Variants in EML1 observed in about 807,000 individuals in gnomAD.
EML1 encodes echinoderm microtubule-associated protein-like 1.
Under a neutral mutation model 110.4 loss-of-function variants are expected in EML1, and 27 were observed. That is an observed-to-expected ratio of 0.24 (90% CI 0.18 to 0.34). The LOEUF is 0.34. Among genes scored for constraint, EML1 ranks in the 10% least tolerant of loss-of-function variants. The pLI, the probability that EML1 is intolerant of heterozygous loss-of-function variation, is 1.00. For synonymous variants in EML1, 344 were observed against 385.8 expected (o/e 0.89, Z 1.27); for missense variants, 741 against 1,030.9 (o/e 0.72, Z 3.85).
chr14:99,837,576 AACCTTAAACCGTTGTAGCTCC>A (rs1484263494), intron 1 of EML1, among the ~76,000 whole-genome samples: 3 of 152,190 alleles, frequency 2.0e-5, no homozygotes, highest in Admixed American at 2.0e-4. Flanking sequence ...TTTAGATTCT[AACCTTAAACCGTTGTAGCTCC>A]ACCTTTTGAT....
intron 1 of EML1, among the ~76,000 whole-genome samples, chr14:99,783,485 CTTTT>C (rs59785136): frequency 6.0e-5 from 7 of 117,226 alleles, no homozygotes; most frequent in African/African-American, 9.4e-5. Context: ...TAAAGGGGTA[CTTTT>C]TTTTTTTTTT....
At position 99,922,743 on chromosome 14, in the gene EML1, T is replaced by C. The variant is rs549879541; in HGVS notation, c.1909+1866T>C. Among the ~76,000 whole-genome samples the C allele has an allele frequency of 4.3e-4, 65 of 152,340 alleles. 1 individual carries two copies. The highest frequency in any genetic ancestry group is 1.1e-3 in the African/African-American group (45 of 41,570). ...TTGGTGTTTCCCTAATGACTATTGA[T>C]ATTGAGCATTTTTTAATGTGCATAT... On this transcript the variant is annotated intron_variant, in intron 17 of 21. Transcript: ENST00000262233.
Position 99,743,583 on chromosome 14 carries a change from C to CCA in EML1, c.28+5724_28+5725dup, listed in dbSNP as rs1445843674. On this transcript the variant is annotated intron_variant, in intron 1 of 10. Transcript: ENST00000554479. ...CGCTTATCTGTTATCCATCCACAGG[C>CCA]CAGCACGTGGCTCTGCACATGCATC... Among the ~76,000 whole-genome samples the CCA allele has an allele frequency of 2.0e-5, 3 of 152,188 alleles. No homozygotes were observed. In the East Asian group the frequency reaches 5.8e-4, roughly 29 times the overall value.
intron 1 of EML1, chr14:99,838,910 C>CGT (rs746866053): frequency 2.0e-5 from 1 of 49,236 alleles, no homozygotes; most frequent in South Asian, 7.8e-4. Flanking sequence ...GGGGAGTGCG[C>CGT]GCGCGCGCGT....
chr14:99,760,470 C>G (rs1330006004), intron 1 of EML1, among the ~76,000 whole-genome samples: 2 of 152,168 alleles, frequency 1.3e-5, no homozygotes, highest in East Asian at 3.9e-4. Flanking sequence ...CGGCATGGAA[C>G]CATTCTCTGA....
intron 1 of EML1, among the ~76,000 whole-genome samples, chr14:99,765,839 A>G (rs1485851870): frequency 6.6e-6 from 1 of 152,052 alleles, no homozygotes; most frequent in Non-Finnish European, 1.5e-5. Context: ...CCCCTGCCTC[A>G]AGTATCTGCT....
At chr14:99,791,768 C>A (rs1048905409), upstream of EML1, among the ~76,000 whole-genome samples, 1 of 152,186 alleles carries the variant, frequency 6.6e-6, no homozygotes, top group African/African-American at 2.4e-5. Context: ...GGCCTGCCTG[C>A]GTGAACCCTC....
In EML1 at chr14:99,936,178, C is replaced by T; in HGVS notation, c.2007+52C>T. ...TTCTCATGCACTGCGTATAGTTTAACTACCGTGGAACAGTGTTGGCAGGGA... is the reference window on the plus strand; with the variant it reads ...TTCTCATGCACTGCGTATAGTTTAATTACCGTGGAACAGTGTTGGCAGGGA... On this transcript the variant is annotated intron_variant, in intron 18 of 21. Coordinates refer to ENST00000262233, the MANE Select transcript of EML1 (RefSeq NM_004434.3). The surrounding 1 kb of genome is among the most constrained non-coding windows in gnomAD (Gnocchi z 5.5). 3.1e-6 allele frequency: 5 copies of T among 1,612,524 alleles called. No individual in the cohort carries two copies. Among genetic ancestry groups the T allele is most frequent in the Non-Finnish European group, 4.2e-6 (5 of 1,178,576 alleles).
intron 3 of EML1, among the ~76,000 whole-genome samples, chr14:99,877,677 G>A (rs183341298): frequency 3.3e-5 from 5 of 152,136 alleles, no homozygotes; most frequent in African/African-American, 4.8e-5. Context: ...CGTTTCTGTC[G>A]TTACTCGTGA....
At chr14:99,824,696 G>A (rs906049991) in intron 1 of EML1, among the ~76,000 whole-genome samples, 2 of 151,978 alleles carry the variant, frequency 1.3e-5, no homozygotes, top group Non-Finnish European at 2.9e-5. Flanking sequence ...TGAACCTATC[G>A]CTGGAATGGT....
At chr14:99,864,880 G>A (rs949618452) in intron 2 of EML1, among the ~76,000 whole-genome samples, 3 of 151,616 alleles carry the variant, frequency 2.0e-5, no homozygotes, top group African/African-American at 4.8e-5. Flanking sequence ...AGTGCTGCTG[G>A]TGTTTCAAAA....
At chr14:99,841,153 G>A (rs1300650482) in intron 1 of EML1, among the ~76,000 whole-genome samples, 1 of 152,186 alleles carries the variant, frequency 6.6e-6, no homozygotes, top group Admixed American at 6.5e-5. Context: ...GGGCTCGTGT[G>A]GCATCAAACC....
intron 1 of EML1, among the ~76,000 whole-genome samples, chr14:99,807,975 G>C (rs2139703306): frequency 6.6e-6 from 1 of 152,260 alleles, no homozygotes; most frequent in South Asian, 2.1e-4. Context: ...TGCTTTATCA[G>C]TCACGAGCCC....
chr14:99,763,698 T>C (rs1303380035), intron 1 of EML1, among the ~76,000 whole-genome samples: 1 of 152,214 alleles, frequency 6.6e-6, no homozygotes, highest in Non-Finnish European at 1.5e-5. Flanking sequence ...GATCCTCGGC[T>C]ATGCTGCACG....
chr14:99,929,531 C>T (rs1307750666), intron 17 of EML1, among the ~76,000 whole-genome samples: 1 of 152,162 alleles, frequency 6.6e-6, no homozygotes, highest in Non-Finnish European at 1.5e-5. Context: ...GGGTTTATGA[C>T]GGGTTAGTTG....
At chr14:99,770,987 C>T (rs887746667), upstream of EML1, among the ~76,000 whole-genome samples, 4 of 151,692 alleles carry the variant, frequency 2.6e-5, no homozygotes, top group Non-Finnish European at 4.4e-5. Flanking sequence ...GGTTTCACCA[C>T]GTTAGCCAGG....
intron 1 of EML1, among the ~76,000 whole-genome samples, chr14:99,823,285 A>G (rs565852435): frequency 1.6e-4 from 25 of 152,076 alleles, no homozygotes; most frequent in Non-Finnish European, 2.8e-4. Flanking sequence ...GGCTCACAGC[A>G]GCATCTGCCC....
chr14:99,898,769 AT>A (rs1257830810), intron 8 of EML1, among the ~76,000 whole-genome samples: 2 of 148,898 alleles, frequency 1.3e-5, no homozygotes, highest in Non-Finnish European at 3.0e-5. Flanking sequence ...AAAAAAAAAA[AT>A]ACTGACTGTG....
At chr14:99,904,031 C>T (rs1309160957) in intron 9 of EML1, among the ~76,000 whole-genome samples, 3 of 152,138 alleles carry the variant, frequency 2.0e-5, no homozygotes, top group African/African-American at 7.2e-5. Flanking sequence ...GATCCACCCG[C>T]CTCGGCCTCC....
Sources: gnomAD v4.1 joint callset for allele counts (sites outside exome capture counted in the v4.1 genomes callset) on GRCh38, gnomAD v4.1.1 for gene constraint, Gnocchi (gnomAD v3.1) non-coding constraint, MANE v1.5 for transcripts, NCBI Gene and HGNC (gene_info 2026-07-23, HGNC 2026-07-21) for gene names.